The following BAZ1A variants were observed in gnomAD, a reference collection of about 807,000 sequenced individuals.
BAZ1A encodes the protein bromodomain adjacent to zinc finger domain 1A.
In BAZ1A, 50 loss-of-function variants were observed where a neutral mutation model predicts 185.2. That is an observed-to-expected ratio of 0.27 (90% CI 0.22 to 0.34). The LOEUF is 0.34. Among genes scored for constraint, BAZ1A ranks in the 10% least tolerant of loss-of-function variants. BAZ1A has a pLI of 1.00. For missense variants in BAZ1A, 1,356 were observed against 1,839.9 expected, an observed-to-expected ratio of 0.74 and a Z score of 4.81; for synonymous variants, 571 against 615.6, an observed-to-expected ratio of 0.93 and a Z score of 1.07.
At chr14:34,765,398 C>T (rs896110362) in intron 21 of BAZ1A, 130 bp from the exon 22 acceptor site, 5 of 1,167,568 alleles carry the variant, frequency 4.3e-6, no homozygotes, top group Non-Finnish European at 5.9e-6. Flanking sequence ...AACAAAAAGA[C>T]CATGCTGATA....
Position 34,874,364 on chromosome 14 carries a change from C to G in BAZ1A, c.113+128G>C, listed in dbSNP as rs996182958. 2.7e-5 allele frequency: 25 copies of G among 911,964 alleles called. 1 individual carries two copies. The South Asian group carries it at 3.6e-4, about 13-fold the overall frequency. The allele number at this position is 911,964 out of a possible 1,614,324, so 56.5% of individuals were successfully genotyped here. On this transcript the variant is annotated intron_variant, in intron 2 of 26. Transcript: ENST00000360310. This position sits in a 1 kb window ranked among gnomAD's most constrained non-coding sequence, Gnocchi z 4.7. ...GCCAGGAGGCAGAGAACCGCGGGCCCGGGGGCCACCCGTCACTTTCAAGTC... is the reference window on the plus strand; with the variant it reads ...GCCAGGAGGCAGAGAACCGCGGGCCGGGGGGCCACCCGTCACTTTCAAGTC...
rs577113156 is a variant in BAZ1A at position 34,862,471 on chromosome 14, G to A, written c.114-149C>T. The A allele has an allele frequency of 1.7e-4, 130 of 752,216 alleles. No homozygotes were observed. In the African/African-American group the frequency reaches 2.0e-3, roughly 12 times the overall value. The allele number at this position is 752,216 out of a possible 1,614,324, so 46.6% of individuals were successfully genotyped here. The stretch of plus-strand genomic sequence containing the variant: ...ACAGAACTCAAGGGTTTGGTAACTG[G>A]TCAACTTATAACATTAATACAAACA... On this transcript the variant is annotated intron_variant, in intron 2 of 26. Transcript: ENST00000360310.
chr14:34,830,176 C>T (rs1364064617), intron 3 of BAZ1A, among the ~76,000 whole-genome samples: 2 of 152,028 alleles, frequency 1.3e-5, no homozygotes, highest in East Asian at 3.9e-4. Flanking sequence ...TATGTCCACA[C>T]AAACTTGTAC....
chr14:34,830,333 G>A (rs1355544177), intron 3 of BAZ1A, among the ~76,000 whole-genome samples: 1 of 151,772 alleles, frequency 6.6e-6, no homozygotes, highest in Non-Finnish European at 1.5e-5. Flanking sequence ...ACTGATACAT[G>A]CTACAATATT....
intron 3 of BAZ1A, 65 bp from the exon 4 acceptor site, chr14:34,826,221 G>A (rs77298645): frequency 0.027 from 41,652 of 1,525,154 alleles, 688 homozygotes; most frequent in South Asian, 0.05. Context: ...ACATGTCAGA[G>A]CAATCGAATT....
At chr14:34,822,487 T>TG (rs2138705583) in intron 4 of BAZ1A, among the ~76,000 whole-genome samples, 1 of 152,058 alleles carries the variant, frequency 6.6e-6, no homozygotes, top group South Asian at 2.1e-4. Flanking sequence ...TAGCTGGGCA[T>TG]GGGTGGTGTG....
rs1283467185 is a variant in BAZ1A, at chr14:34,826,134, C to T, written c.415G>A (p.Val139Ile). 2 of 1,610,340 alleles carry T rather than the reference C, an allele frequency of 1.2e-6. No individual in the cohort carries two copies. Among genetic ancestry groups the T allele is most frequent in the African/African-American group, 2.7e-5 (2 of 74,786 alleles). Residue 139 changes from valine (V) to isoleucine (I), a missense_variant, in exon 4 of 27, where the codon GTC becomes ATC. Around this residue, in one of 7 missense-constraint regions of BAZ1A, gnomAD observed 332 missense variants for 395.3 expected, o/e 0.84. Transcript: ENST00000360310. ...GARLQCRILE[V>I]LPPSHQNGFA... ...CCATTTTGATGTGATGGAGGGAGGA[C>T]TTCCAAAATCCTACACTGCAACCTG...
chr14:34,843,166 TG>T (rs2042444823), intron 3 of BAZ1A, among the ~76,000 whole-genome samples: 1 of 152,002 alleles, frequency 6.6e-6, no homozygotes. Flanking sequence ...ATTCTTCACT[TG>T]TCTGACAAAT....
chr14:34,781,893 T>C lies in BAZ1A; in HGVS notation c.2111+1226A>G, dbSNP rs575261474. Reference sequence around the variant, plus strand: ...TTTATTGTTGAACAATATTCTCCTGTATGGACATACCACGGAAGAGATATA... The same window carrying C: ...TTTATTGTTGAACAATATTCTCCTGCATGGACATACCACGGAAGAGATATA... On this transcript the variant is annotated intron_variant, in intron 16 of 26. Transcript: ENST00000360310. Among the ~76,000 whole-genome samples the C allele has an allele frequency of 3.3e-5, 5 of 152,370 alleles. No individual in the cohort carries two copies. The East Asian group carries it at 7.7e-4, about 23-fold the overall frequency.
chr14:34,839,839 C>CAAAAAAAA (rs60954768), intron 3 of BAZ1A, among the ~76,000 whole-genome samples: 1,649 of 106,518 alleles, frequency 0.015, 59 homozygotes, highest in African/African-American at 0.059. Context: ...GCCTCTGTTT[C>CAAAAAAAA]AAAAAAAAAA....
Position 34,802,967 on chromosome 14 carries a change from T to G in BAZ1A, c.748A>C (p.Lys250Gln), listed in dbSNP as rs765382821. 9.9e-6 allele frequency: 16 copies of G among 1,611,562 alleles called. No homozygotes were observed. The highest frequency in any genetic ancestry group is 1.7e-4 in the Middle Eastern group (1 of 6,060). The change falls in exon 7 of 27, where the codon AAA becomes CAA. Residue 250 changes from lysine (K) to glutamine (Q), a missense_variant. Lys to Gln is a moderately conservative substitution (Grantham distance 53, BLOSUM62 1). Transcript: ENST00000360310. ...KIKASSLSTYKIAEQDFSYFF... is the reference protein window; with the variant it reads ...KIKASSLSTYQIAEQDFSYFF... ...TAAGAAAAATCTTGTTCTGCTATTTTATACGTTGAAAGAGATGATGCCTTA... is the reference window on the plus strand; with the variant it reads ...TAAGAAAAATCTTGTTCTGCTATTTGATACGTTGAAAGAGATGATGCCTTA...
chr14:34,793,261 T>C (rs573370905), intron 11 of BAZ1A, among the ~76,000 whole-genome samples: 1 of 152,348 alleles, frequency 6.6e-6, no homozygotes, highest in Admixed American at 6.5e-5. Context: ...ATATTTGTTA[T>C]TGTGCCACTG....
At chr14:34,808,322 C>T (rs2041879484) in intron 5 of BAZ1A, among the ~76,000 whole-genome samples, 1 of 151,694 alleles carries the variant, frequency 6.6e-6, no homozygotes, top group Non-Finnish European at 1.5e-5. Context: ...GGTGAAACCC[C>T]ATCTCTACTA....
intron 3 of BAZ1A, among the ~76,000 whole-genome samples, chr14:34,846,972 C>T (rs1431077699): frequency 2.0e-5 from 3 of 152,088 alleles, no homozygotes; most frequent in Non-Finnish European, 2.9e-5. Flanking sequence ...TATCATCAGC[C>T]GGGCATGGTG....
intron 21 of BAZ1A, among the ~76,000 whole-genome samples, chr14:34,768,476 G>A (rs541307616): frequency 3.8e-4 from 58 of 152,172 alleles, no homozygotes; most frequent in African/African-American, 1.3e-3. Flanking sequence ...TGCCAATTTA[G>A]AAGAGTGATT....
At chr14:34,793,368 T>A (rs1880974242) in intron 11 of BAZ1A, among the ~76,000 whole-genome samples, 1 of 152,182 alleles carries the variant, frequency 6.6e-6, no homozygotes, top group South Asian at 2.1e-4. Flanking sequence ...TAAATAAATG[T>A]TTTTTATCTA....
chr14:34,816,804 G>A (rs2042012908), intron 4 of BAZ1A: 1 of 442,806 alleles, frequency 2.3e-6, no homozygotes, highest in Non-Finnish European at 4.5e-6. Flanking sequence ...TCAGATTCCA[G>A]AGAATTTGTG....
chr14:34,847,529 AT>A (rs199794009), intron 3 of BAZ1A, among the ~76,000 whole-genome samples: 2,262 of 152,070 alleles, frequency 0.015, 33 homozygotes, highest in Middle Eastern at 0.024. Flanking sequence ...GCTAATCTAT[AT>A]TTTTTTCTTC....
chr14:34,758,043 G>A (rs948165526), intron 25 of BAZ1A, among the ~76,000 whole-genome samples: 13 of 149,556 alleles, frequency 8.7e-5, no homozygotes, highest in South Asian at 2.1e-4. Flanking sequence ...CACAGCGCCC[G>A]GCCAACCCTA....
Sources: allele counts gnomAD v4.1 joint callset (sites outside exome capture counted in the v4.1 genomes callset), GRCh38; gene constraint gnomAD v4.1.1; regional missense constraint gnomAD v4.1.1; non-coding constraint Gnocchi (gnomAD v3.1); transcripts MANE v1.5; gene names NCBI Gene and HGNC (gene_info 2026-07-23, HGNC 2026-07-21).